Variants in BMP2K observed in about 807,000 individuals in gnomAD.
BMP2K encodes the protein BMP-2-inducible protein kinase.
Under a neutral mutation model 116.0 loss-of-function variants are expected in BMP2K, and 74 were observed. The observed-to-expected ratio is 0.64, with a 90% CI of 0.53 to 0.77. BMP2K has a LOEUF of 0.77. BMP2K is among the 30% of genes least tolerant of loss of function. BMP2K has a pLI of 0.00. For synonymous variants in BMP2K, 486 were observed against 502.5 expected, an observed-to-expected ratio of 0.97 and a Z score of 0.44; for missense variants, 1,365 against 1,403.6, an observed-to-expected ratio of 0.97 and a Z score of 0.44.
chr4:78,851,973 G>A (rs1327881627), intron 7 of BMP2K, among the ~76,000 whole-genome samples: 1 of 151,988 alleles, frequency 6.6e-6, no homozygotes, highest in South Asian at 2.1e-4. Flanking sequence ...TTTGACAAAT[G>A]TCTAAGTTTT....
intron 1 of BMP2K, among the ~76,000 whole-genome samples, chr4:78,777,919 T>A (rs1443254624): frequency 1.3e-5 from 2 of 152,218 alleles, no homozygotes; most frequent in African/African-American, 4.8e-5. Context: ...AGAATAATGA[T>A]CTTAGCCGAA....
At position 78,871,908 on chromosome 4, in the gene BMP2K, T is replaced by A. The variant is rs1340926960; in HGVS notation, c.1568T>A (p.Val523Glu). 42 of 1,612,828 alleles carry A rather than the reference T, an allele frequency of 2.6e-5. No homozygotes were observed. In the East Asian group the frequency reaches 9.4e-4, roughly 36 times the overall value. Residue 523 changes from valine to glutamate, a missense_variant, in exon 12 of 16, where the codon GTA becomes GAA. Physicochemically the swap from Val to Glu is moderately radical, Grantham distance 121. Transcript: ENST00000502613. ...CAACAACAATTTTTAATGCATTCGG[T>A]ATATCAACCACAACCTTCTGCATCA... ...MLQQQFLMHSVYQPQPSASQY... is the reference protein window; with the variant it reads ...MLQQQFLMHSEYQPQPSASQY...
chr4:78,812,990 G>T (rs1438020193), intron 1 of BMP2K, among the ~76,000 whole-genome samples: 3 of 151,722 alleles, frequency 2.0e-5, no homozygotes, highest in Non-Finnish European at 4.4e-5. Flanking sequence ...GCTGCAGTTA[G>T]CTATGATCAT....
In BMP2K at chr4:78,839,382, G is replaced by A. The variant is rs1399397600; in HGVS notation, c.404-3003G>A. On this transcript the variant is annotated intron_variant, in intron 3 of 15. Transcript: ENST00000502613. ...CTAGTCTTGGGACTAGGACACTGAC[G>A]CTTTTACCTGTTTCTGTTGGCCAAA... is the stretch of plus-strand genomic sequence containing the variant. Among the ~76,000 whole-genome samples the A allele has an allele frequency of 3.3e-5, 5 of 152,266 alleles. No individual in the cohort carries two copies. The East Asian group carries it at 5.8e-4, about 18-fold the overall frequency.
chr4:78,887,902 TAGA>T (rs773677420), intron 15 of BMP2K, among the ~76,000 whole-genome samples: 17 of 152,188 alleles, frequency 1.1e-4, no homozygotes, highest in Non-Finnish European at 1.9e-4. Flanking sequence ...GGAAATATGT[TAGA>T]AGAAGTTATG....
intron 1 of BMP2K, among the ~76,000 whole-genome samples, chr4:78,795,678 T>G (rs577480999): frequency 6.6e-6 from 1 of 151,906 alleles, no homozygotes; most frequent in East Asian, 1.9e-4. Context: ...CAATGAACTC[T>G]AACAAATTTC....
chr4:78,871,762 C>T (rs1456724869), intron 11 of BMP2K, 88 bp from the exon 12 acceptor site: 3 of 777,858 alleles, frequency 3.9e-6, no homozygotes. Flanking sequence ...ACTGATTTCT[C>T]AAATCATTAT....
chr4:78,780,968 C>T (rs1284405927), intron 1 of BMP2K, among the ~76,000 whole-genome samples: 1 of 152,112 alleles, frequency 6.6e-6, no homozygotes, highest in African/African-American at 2.4e-5. Context: ...TAGGTAAAAA[C>T]AGAGGTGTGA....
chr4:78,801,298 A>G (rs1430166589), intron 1 of BMP2K, among the ~76,000 whole-genome samples: 2 of 150,816 alleles, frequency 1.3e-5, no homozygotes, highest in Admixed American at 6.6e-5. Flanking sequence ...TTCACTTGCC[A>G]TGTCTTTTCT....
intron 5 of BMP2K, among the ~76,000 whole-genome samples, chr4:78,845,601 A>T (rs1730961625): frequency 6.6e-6 from 1 of 151,704 alleles, no homozygotes; most frequent in South Asian, 2.1e-4. Flanking sequence ...TGTGGTTGCT[A>T]AAGTACCTGT....
At chr4:78,778,178 C>T (rs1727337296) in intron 1 of BMP2K, among the ~76,000 whole-genome samples, 1 of 152,152 alleles carries the variant, frequency 6.6e-6, no homozygotes, top group Non-Finnish European at 1.5e-5. Context: ...TACACTCACT[C>T]ATTCCACTAA....
chr4:78,863,628 AAAG>A (rs1301078376), intron 9 of BMP2K, among the ~76,000 whole-genome samples: 3 of 152,154 alleles, frequency 2.0e-5, no homozygotes, highest in African/African-American at 4.8e-5. Context: ...GGCAAGGAGA[AAAG>A]AAGGGAAGCA....
intron 15 of BMP2K, among the ~76,000 whole-genome samples, chr4:78,893,374 C>T (rs1733541974): frequency 6.6e-6 from 1 of 152,180 alleles, no homozygotes; most frequent in Non-Finnish European, 1.5e-5. Flanking sequence ...CCTTCAAAAT[C>T]ATCCATGAGG....
chr4:78,911,472 A>C lies in BMP2K; in HGVS notation c.2925A>C (p.Leu975Phe), dbSNP rs773165631. The change falls in exon 16 of 16, where the codon TTA becomes TTC. Residue 975 changes from leucine to phenylalanine, a missense_variant. Transcript: ENST00000502613. ...AGCAAAAAGTCAAACAGCGCAGCTT[A>C]CAGAAACTGTCCTCTCGCCAAAGGC... ...SQQQKVKQRS[L>F]QKLSSRQRRT... The C allele has an allele frequency of 6.2e-7, 1 of 1,614,072 alleles. No individual in the cohort carries two copies. The highest frequency in any genetic ancestry group is 1.7e-5 in the Admixed American group (1 of 60,032).
chr4:78,862,022 T>C (rs529930744), intron 9 of BMP2K, among the ~76,000 whole-genome samples: 64 of 151,914 alleles, frequency 4.2e-4, no homozygotes, highest in African/African-American at 9.9e-4. Context: ...GATTGATTTT[T>C]CCCCCCCTCA....
At chr4:78,879,709 A>G (rs1047301570) in intron 14 of BMP2K, 2 of 152,238 alleles carry the variant, frequency 1.3e-5, no homozygotes, top group African/African-American at 4.8e-5. Flanking sequence ...TTGCATGTGA[A>G]AAGAAGGTCT....
chr4:78,807,337 T>A (rs1259690601), intron 1 of BMP2K, among the ~76,000 whole-genome samples: 2 of 152,204 alleles, frequency 1.3e-5, no homozygotes, highest in Non-Finnish European at 2.9e-5. Context: ...ATGCTGGATT[T>A]GGTTTGCTAG....
intron 5 of BMP2K, among the ~76,000 whole-genome samples, chr4:78,846,298 AT>A: frequency 6.6e-6 from 1 of 151,650 alleles, no homozygotes; most frequent in East Asian, 1.9e-4. Context: ...GGTATAGTGA[AT>A]AAAAATCCTG....
intron 7 of BMP2K, chr4:78,859,331 G>C (rs566603352): frequency 1.0e-5 from 3 of 292,900 alleles, no homozygotes; most frequent in Non-Finnish European, 1.9e-5. Flanking sequence ...TTTTTCAATA[G>C]AATAATCAAG....
Sources: gnomAD v4.1 joint callset for allele counts (sites outside exome capture counted in the v4.1 genomes callset) on GRCh38, gnomAD v4.1.1 for gene constraint, MANE v1.5 for transcripts, NCBI Gene and HGNC (gene_info 2026-07-23, HGNC 2026-07-21) for gene names.